The following IPO11 variants were observed in gnomAD, a reference collection of about 807,000 sequenced individuals.
The protein encoded by IPO11 is importin-11.
A neutral mutation model predicts 143.2 loss-of-function variants in IPO11; 66 were observed. The ratio of observed to expected loss-of-function variants is 0.46; its 90% CI spans 0.38 to 0.57. IPO11 has a LOEUF of 0.57. Among genes scored for constraint, IPO11 ranks in the 20% least tolerant of loss-of-function variants. IPO11 has a pLI of 0.00. For missense variants in IPO11, 1,026 were observed against 1,141.0 expected, an observed-to-expected ratio of 0.90 and a Z score of 1.45; for synonymous variants, 385 against 377.8, an observed-to-expected ratio of 1.02 and a Z score of -0.22.
intron 19 of IPO11, among the ~76,000 whole-genome samples, chr5:62,514,107 A>G (rs1436902112): frequency 7.2e-6 from 1 of 139,374 alleles, no homozygotes; most frequent in Non-Finnish European, 1.5e-5. Context: ...CACTTTCCAG[A>G]CTGGGCAGCC....
chr5:62,430,215 TTA>T lies in IPO11; in HGVS notation c.-6-7055_-6-7054del, dbSNP rs574689000. Among the ~76,000 whole-genome samples, 290 of 152,348 alleles carry T rather than the reference TTA, an allele frequency of 1.9e-3. 1 individual carries two copies. The highest frequency in any genetic ancestry group is 6.5e-3 in the African/African-American group (272 of 41,584). On this transcript the variant is annotated intron_variant, in intron 1 of 29. Coordinates refer to ENST00000325324, the MANE Select transcript of IPO11 (RefSeq NM_016338.5). ...TATGTCCAAAGGTAGAATTGCTATG[TTA>T]TATGTTATTCTGTGTTTAACATTTT...
At chr5:62,625,641 C>T (rs1746539061) in intron 29 of IPO11, among the ~76,000 whole-genome samples, 1 of 152,128 alleles carries the variant, frequency 6.6e-6, no homozygotes, top group African/African-American at 2.4e-5. Flanking sequence ...AGAACAAAAC[C>T]AGGAATTTTT....
chr5:62,416,643 A>G (rs1234632494), intron 1 of IPO11, among the ~76,000 whole-genome samples: 1 of 152,126 alleles, frequency 6.6e-6, no homozygotes, highest in Non-Finnish European at 1.5e-5. Flanking sequence ...TTCAATCCAT[A>G]ACATTCAGTT....
chr5:62,536,090 AAACAT>A (rs1742723893), intron 22 of IPO11, among the ~76,000 whole-genome samples: 1 of 152,202 alleles, frequency 6.6e-6, no homozygotes, highest in South Asian at 2.1e-4. Context: ...GAAAATATCT[AAACAT>A]AATATAATTT....
In IPO11 at chr5:62,484,067, C is replaced by G. The variant is rs751178114; in HGVS notation, c.1079C>G (p.Pro360Arg). The G allele has an allele frequency of 3.2e-5, 51 of 1,608,622 alleles. No individual in the cohort carries two copies. In the South Asian group the frequency reaches 5.5e-4, roughly 18 times the overall value. Residue 360 changes from proline (P) to arginine (R), a missense_variant, in exon 11 of 30, where the codon CCT becomes CGT. This residue lies in a region of IPO11 where 429 missense variants were observed against 456.3 expected (regional missense o/e 0.94). Transcript: ENST00000325324. ...ATTAAGATGGCATTCTTCACATATC[C>G]TACTTTGACAGAGATATGTAGAAGA... ...HKIKMAFFTY[P>R]TLTEICRRLV... is the part of the protein sequence containing the mutation.
At chr5:62,537,099 C>T in intron 23 of IPO11, 110 bp from the exon 24 acceptor site, 1 of 676,150 alleles carries the variant, frequency 1.5e-6, no homozygotes, top group Non-Finnish European at 2.6e-6. Context: ...ATGCTTAGAC[C>T]ATTAGTGTAT....
intron 26 of IPO11, among the ~76,000 whole-genome samples, chr5:62,559,654 C>T (rs937626934): frequency 1.1e-4 from 16 of 151,918 alleles, no homozygotes; most frequent in African/African-American, 3.4e-4. Context: ...CGGTGGCTCA[C>T]GCCTGTAATC....
intron 1 of IPO11, among the ~76,000 whole-genome samples, chr5:62,432,484 T>TA (rs1293449432): frequency 6.6e-6 from 1 of 152,222 alleles, no homozygotes; most frequent in Non-Finnish European, 1.5e-5. Context: ...TCTTGGCTGT[T>TA]ATGTCCCTGG....
rs1285625349 is a variant in IPO11 at position 62,442,982 on chromosome 5, G to C, written c.139-1G>C. 6.4e-7 allele frequency: 1 copy of C among 1,551,754 alleles called. No homozygotes were observed. Among genetic ancestry groups the C allele is most frequent in the East Asian group, 2.3e-5 (1 of 44,196 alleles). Reference sequence around the variant, plus strand: ...TCTAATATTATGTTTTTTATTTATAGAATATTTTCACCAACCACACTTTGG... The same window carrying C: ...TCTAATATTATGTTTTTTATTTATACAATATTTTCACCAACCACACTTTGG... On this transcript the variant is annotated splice_acceptor_variant, in intron 2 of 29. Coordinates refer to ENST00000325324, the MANE Select transcript of IPO11 (RefSeq NM_016338.5). LOFTEE classifies it high-confidence loss of function.
At chr5:62,476,532 CAG>C (rs1745962962) in intron 8 of IPO11, 149 bp from the exon 9 acceptor site, 1 of 744,674 alleles carries the variant, frequency 1.3e-6, no homozygotes, top group Admixed American at 4.4e-5. Context: ...GTCTGTTACT[CAG>C]TGTAAATCTT....
intron 1 of IPO11, among the ~76,000 whole-genome samples, chr5:62,430,243 A>G (rs758255379): frequency 2.0e-5 from 3 of 152,228 alleles, no homozygotes; most frequent in Non-Finnish European, 4.4e-5. Flanking sequence ...TTAACATTTT[A>G]AGGAACTGCC....
chr5:62,606,656 G>A (rs1241422542), intron 29 of IPO11, among the ~76,000 whole-genome samples: 1 of 151,818 alleles, frequency 6.6e-6, no homozygotes, highest in African/African-American at 2.4e-5. Context: ...CTAACACAGT[G>A]AAACCCCATC....
At chr5:62,570,710 TC>T (rs1365659875) in intron 27 of IPO11, among the ~76,000 whole-genome samples, 1 of 152,216 alleles carries the variant, frequency 6.6e-6, no homozygotes, top group Non-Finnish European at 1.5e-5. Context: ...TTTCCTCATA[TC>T]TAGGAACAGT....
chr5:62,441,496 C>CA (rs1744474193), intron 2 of IPO11, among the ~76,000 whole-genome samples: 1 of 47,342 alleles, frequency 2.1e-5, no homozygotes, highest in African/African-American at 9.1e-5. Context: ...TGTGCCTGGC[C>CA]TTTTTTTTTT....
Position 62,489,331 on chromosome 5 carries a change from C to A in IPO11, c.1339C>A (p.Leu447Met). ...GPTNVEDMNA[L>M]LIKDAVYNAV... is the part of the protein sequence containing the mutation. ...CACAAATGTGGAAGATATGAATGCA[C>A]TGTTAATCAAAGATGCTGGTATGTT... The change falls in exon 14 of 30, where the codon CTG becomes ATG. Residue 447 changes from leucine to methionine, a missense_variant. Leu to Met is a conservative substitution (Grantham distance 15). Transcript: ENST00000325324. 1 of 1,564,150 alleles carries A rather than the reference C, an allele frequency of 6.4e-7. No homozygotes were observed. The highest frequency in any genetic ancestry group is 1.4e-5 in the African/African-American group (1 of 73,698).
Position 62,591,648 on chromosome 5 carries a change from A to G in IPO11, c.2654A>G (p.Asp885Gly). The change falls in exon 28 of 30, where the codon GAT becomes GGT. Residue 885 changes from aspartate to glycine, a missense_variant. Coordinates refer to ENST00000325324, the MANE Select transcript of IPO11 (RefSeq NM_016338.5). ...GGCCTGCATGATGTCATGACGGAAG[A>G]TCCTGAAACAGGAACTTATAAAGAG... is the stretch of plus-strand genomic sequence containing the variant. ...VEGLHDVMTEDPETGTYKDCM... is the reference protein window; with the variant it reads ...VEGLHDVMTEGPETGTYKDCM... The G allele has an allele frequency of 6.2e-7, 1 of 1,606,060 alleles. No homozygotes were observed. The highest frequency in any genetic ancestry group is 8.5e-7 in the Non-Finnish European group (1 of 1,176,262).
intron 1 of IPO11, among the ~76,000 whole-genome samples, chr5:62,433,322 C>T (rs2112120802): frequency 6.6e-6 from 1 of 152,236 alleles, no homozygotes; most frequent in East Asian, 1.9e-4. Context: ...TCTGATAAAT[C>T]TGTTAGTAGC....
At chr5:62,452,016 T>C (rs771146165) in intron 5 of IPO11, 83 bp downstream of exon 5, 4 of 1,088,196 alleles carry the variant, frequency 3.7e-6, no homozygotes, top group East Asian at 4.8e-5. Flanking sequence ...CTCAGCACTT[T>C]GGGAGGCCGA....
chr5:62,579,418 A>G (rs1469956462), intron 27 of IPO11: 2 of 1,550,096 alleles, frequency 1.3e-6, no homozygotes, highest in Admixed American at 3.9e-5. Context: ...TGATCTGAAC[A>G]GAAAATCCAA....
Sources: allele counts gnomAD v4.1 joint callset (sites outside exome capture counted in the v4.1 genomes callset), GRCh38; gene constraint gnomAD v4.1.1; regional missense constraint gnomAD v4.1.1; transcripts MANE v1.5; gene names NCBI Gene and HGNC (gene_info 2026-07-23, HGNC 2026-07-21).